Variants in RASAL2 observed in about 807,000 individuals in gnomAD.
RASAL2 encodes RAS protein activator like 2, also known as ras GTPase-activating protein nGAP.
Under a neutral mutation model 128.9 loss-of-function variants are expected in RASAL2, and 58 were observed. The observed-to-expected ratio is 0.45, with a 90% CI of 0.36 to 0.56. The LOEUF (loss-of-function observed/expected upper bound fraction) is 0.56, where lower values mean the gene tolerates loss of function less well. RASAL2 is among the 20% of genes least tolerant of loss of function. RASAL2 has a pLI of 0.00. For missense variants in RASAL2, 1,360 were observed against 1,601.6 expected, an observed-to-expected ratio of 0.85 and a Z score of 2.57; for synonymous variants, 561 against 580.8, an observed-to-expected ratio of 0.97 and a Z score of 0.49.
At chr1:178,343,750 C>G (rs1279595988) in intron 3 of RASAL2, among the ~76,000 whole-genome samples, 1 of 151,486 alleles carries the variant, frequency 6.6e-6, no homozygotes, top group African/African-American at 2.4e-5. Context: ...TTTTTTAATT[C>G]TGAAAACAAA....
chr1:178,211,768 G>A (rs1663263865), intron 1 of RASAL2, among the ~76,000 whole-genome samples: 1 of 152,090 alleles, frequency 6.6e-6, no homozygotes, highest in South Asian at 2.1e-4. Context: ...TCCCCATAGG[G>A]TAGACTATGG....
At chr1:178,234,339 C>T (rs1664140377) in intron 1 of RASAL2, among the ~76,000 whole-genome samples, 2 of 152,160 alleles carry the variant, frequency 1.3e-5, no homozygotes, top group South Asian at 4.1e-4. Flanking sequence ...CAGAATTACA[C>T]TGATAGCTCT....
rs114981833 is a variant in RASAL2 at position 178,263,872 on chromosome 1, A to G, written c.203-19692A>G. Among the ~76,000 whole-genome samples the G allele has an allele frequency of 9.8e-3, 1,486 of 152,260 alleles. 27 individuals are homozygous for G. The highest frequency in any genetic ancestry group is 0.034 in the African/African-American group (1,402 of 41,526). ...TGCTGGGCCTCAAAGATCTTTGAAA[A>G]TAATTTGTGTCTGCTGAAAATCTGT... On this transcript the variant is annotated intron_variant, in intron 1 of 17. Transcript: ENST00000367649.
chr1:178,258,049 C>T (rs556858888), intron 1 of RASAL2, among the ~76,000 whole-genome samples: 3 of 152,074 alleles, frequency 2.0e-5, no homozygotes, highest in African/African-American at 7.2e-5. Context: ...AATCCCAGCA[C>T]TTTGGGAGGT....
intron 3 of RASAL2, among the ~76,000 whole-genome samples, chr1:178,359,133 A>C (rs1670974971): frequency 6.6e-6 from 1 of 152,194 alleles, no homozygotes; most frequent in Admixed American, 6.5e-5. Flanking sequence ...TCTCCCAAAT[A>C]ATCTATACAT....
intron 3 of RASAL2, among the ~76,000 whole-genome samples, chr1:178,320,997 AT>A (rs1244186127): frequency 6.6e-6 from 1 of 152,200 alleles, no homozygotes; most frequent in African/African-American, 2.4e-5. Flanking sequence ...TTTTTAGCAG[AT>A]TGTGAAAGTT....
chr1:178,302,005 T>C (rs2102275088), intron 3 of RASAL2, among the ~76,000 whole-genome samples: 1 of 152,300 alleles, frequency 6.6e-6, no homozygotes, highest in South Asian at 2.1e-4. Context: ...TCATGGACAG[T>C]CCATGAGCAA....
At chr1:178,470,174 G>T (rs1169404467) in intron 17 of RASAL2, among the ~76,000 whole-genome samples, 1 of 152,132 alleles carries the variant, frequency 6.6e-6, no homozygotes, top group East Asian at 1.9e-4. Context: ...CAGCCCTTCT[G>T]GCATCATTTA....
intron 15 of RASAL2, 64 bp downstream of exon 15, chr1:178,464,476 C>G (rs1572126109): frequency 6.3e-7 from 1 of 1,581,938 alleles, no homozygotes; most frequent in South Asian, 1.2e-5. Flanking sequence ...AAAAGGTTAT[C>G]TAGCTAAGAA....
intron 7 of RASAL2, among the ~76,000 whole-genome samples, chr1:178,442,252 A>G (rs975739739): frequency 3.3e-5 from 5 of 152,140 alleles, no homozygotes; most frequent in Admixed American, 1.3e-4. Context: ...TATTATTGCC[A>G]TGGTTCTACC....
rs186909836 is a variant in RASAL2 at position 178,140,820 on chromosome 1, A to G, written c.202+46126A>G. The stretch of plus-strand genomic sequence containing the variant: ...ATCCTAAGAAGTCCTTTAGACCCCC[A>G]GTGTATTCGGTAATTTTTGCATTGC... On this transcript the variant is annotated intron_variant, in intron 1 of 17. Coordinates refer to ENST00000367649, the MANE Select transcript of RASAL2 (RefSeq NM_170692.4). Among the ~76,000 whole-genome samples the G allele has an allele frequency of 1.5e-3, 235 of 152,308 alleles. 1 individual carries two copies. The highest frequency in any genetic ancestry group is 5.4e-3 in the African/African-American group (225 of 41,562).
chr1:178,449,892 AT>A lies in RASAL2; in HGVS notation c.1628-1673del, dbSNP rs540033446. Among the ~76,000 whole-genome samples the A allele has an allele frequency of 1.3e-3, 194 of 152,186 alleles. 2 individuals are homozygous for A. In the East Asian group the frequency reaches 0.019, roughly 15 times the overall value. ...ATTCATGTTTTTTATTAATATTAGT[AT>A]TTTTTCCCTTGAATACATATAACCT... On this transcript the variant is annotated intron_variant, in intron 9 of 17. Coordinates refer to ENST00000367649, the MANE Select transcript of RASAL2 (RefSeq NM_170692.4).
At chr1:178,366,265 T>C (rs1671393197) in intron 3 of RASAL2, among the ~76,000 whole-genome samples, 1 of 152,158 alleles carries the variant, frequency 6.6e-6, no homozygotes, top group Admixed American at 6.5e-5. Flanking sequence ...ATGTAAACTG[T>C]TGATAAATCT....
chr1:178,467,973 G>A (rs1647907903), intron 17 of RASAL2, among the ~76,000 whole-genome samples: 1 of 152,160 alleles, frequency 6.6e-6, no homozygotes, highest in African/African-American at 2.4e-5. Flanking sequence ...GCTGTGCTTA[G>A]AGAGCATCTT....
At chr1:178,301,494 G>A (rs1324042745) in intron 3 of RASAL2, among the ~76,000 whole-genome samples, 2 of 151,532 alleles carry the variant, frequency 1.3e-5, no homozygotes, top group African/African-American at 2.4e-5. Flanking sequence ...GTGCAATGGC[G>A]TGATCTTGGC....
intron 1 of RASAL2, among the ~76,000 whole-genome samples, chr1:178,200,280 A>G (rs1409003694): frequency 6.6e-6 from 1 of 152,160 alleles, no homozygotes; most frequent in Non-Finnish European, 1.5e-5. Context: ...CCAAAATGCT[A>G]AGGACGCTAC....
At chr1:178,129,014 G>GTTAACATACATATGTTTTATATAGTA (rs1660000669) in intron 1 of RASAL2, among the ~76,000 whole-genome samples, 3 of 150,768 alleles carry the variant, frequency 2.0e-5, no homozygotes, top group Admixed American at 2.0e-4. Flanking sequence ...AAGTTTTTAT[G>GTTAACATACATATGTTTTATATAGTA]TTAACATACA....
At chr1:178,459,366 ATATAT>A (rs1284213524) in intron 14 of RASAL2, among the ~76,000 whole-genome samples, 1 of 151,768 alleles carries the variant, frequency 6.6e-6, no homozygotes, top group Non-Finnish European at 1.5e-5. Context: ...CATGTATATA[ATATAT>A]ATCTTTATAT....
intron 1 of RASAL2, among the ~76,000 whole-genome samples, chr1:178,136,756 C>CAAAAAAAAAAAAAAAAAAAAAA (rs397982072): frequency 2.1e-5 from 1 of 47,200 alleles, no homozygotes; most frequent in African/African-American, 1.0e-4. Flanking sequence ...GACTCTGTCT[C>CAAAAAAAAAAAAAAAAAAAAAA]AAAAAAAAAA....
Sources: gnomAD v4.1 joint callset for allele counts (sites outside exome capture counted in the v4.1 genomes callset) on GRCh38, gnomAD v4.1.1 for gene constraint, MANE v1.5 for transcripts, NCBI Gene and HGNC (gene_info 2026-07-23, HGNC 2026-07-21) for gene names.